GALNT18: variants seen among roughly 807,000 people sequenced by gnomAD.
GALNT18 encodes GalNAc-transferase 18.
GALNT18 carries 44 observed loss-of-function variants against 69.5 expected under a neutral mutation model. The ratio of observed to expected loss-of-function variants is 0.63; its 90% confidence interval spans 0.50 to 0.81. GALNT18 has a LOEUF of 0.81. Among genes scored for constraint, GALNT18 ranks in the 40% least tolerant of loss-of-function variants. GALNT18 has a pLI of 0.00. For missense variants in GALNT18, 715 were observed against 810.0 expected, an observed-to-expected ratio of 0.88 and a Z score of 1.42; for synonymous variants, 364 against 318.2, an observed-to-expected ratio of 1.14 and a Z score of -1.53.
rs1307711065 is a variant in GALNT18, at chr11:11,315,309, G to A, written c.1512+11777C>T. ...AAGGTCCATTCACTTCCTTTCAGTGGTGCCATCAGGAAAGAGTGAGACTGC... is the reference window on the plus strand; with the variant it reads ...AAGGTCCATTCACTTCCTTTCAGTGATGCCATCAGGAAAGAGTGAGACTGC... On this transcript the variant is annotated intron_variant, in intron 9 of 10. Transcript: ENST00000227756. The surrounding 1 kb of genome is among the most constrained non-coding windows in gnomAD (Gnocchi z 5.6). Among the ~76,000 whole-genome samples the A allele has an allele frequency of 1.3e-5, 2 of 152,110 alleles. No homozygotes were observed. Among genetic ancestry groups the A allele is most frequent in the Non-Finnish European group, 2.9e-5 (2 of 68,032 alleles).
rs1321582303 is a variant in GALNT18, at chr11:11,614,962, T to C, written c.235+6397A>G. Among the ~76,000 whole-genome samples, 1 of 152,246 alleles carries C rather than the reference T, an allele frequency of 6.6e-6. No individual in the cohort carries two copies. The highest frequency in any genetic ancestry group is 2.4e-5 in the African/African-American group (1 of 41,468). ...GTGTCCTTTGGCAAGGCTTTTCTTC[T>C]TCATAAAGCTGTGGTTCTGAACTAG... On this transcript the variant is annotated intron_variant, in intron 1 of 10. Transcript: ENST00000227756. This position sits in a 1 kb window ranked among gnomAD's most constrained non-coding sequence, Gnocchi z 5.6.
intron 3 of GALNT18, among the ~76,000 whole-genome samples, chr11:11,414,688 C>G (rs1473307036): frequency 1.3e-5 from 2 of 152,190 alleles, no homozygotes; most frequent in Admixed American, 6.5e-5. Flanking sequence ...CCACACTACG[C>G]TGGGAGCTCT....
In GALNT18 at chr11:11,612,320, A is replaced by G. The variant is rs140083358; in HGVS notation, c.235+9039T>C. ...CTGGGCCAGTCCCTGACCTGCTAGCATACTGTAGCTCTCTTCCTCCATTCC... is the reference window on the plus strand; with the variant it reads ...CTGGGCCAGTCCCTGACCTGCTAGCGTACTGTAGCTCTCTTCCTCCATTCC... On this transcript the variant is annotated intron_variant, in intron 1 of 10. Transcript: ENST00000227756. Among the ~76,000 whole-genome samples, 288 of 152,344 alleles carry G rather than the reference A, an allele frequency of 1.9e-3. 2 individuals are homozygous for G. Among genetic ancestry groups the G allele is most frequent in the African/African-American group, 6.6e-3 (276 of 41,586 alleles).
intron 3 of GALNT18, among the ~76,000 whole-genome samples, chr11:11,422,504 T>C (rs1399656463): frequency 2.0e-5 from 3 of 152,222 alleles, no homozygotes; most frequent in African/African-American, 4.8e-5. Flanking sequence ...TGCTTGGCTG[T>C]GTAAACACCT....
chr11:11,343,273 A>G (rs1323919323), intron 6 of GALNT18, among the ~76,000 whole-genome samples: 1 of 152,116 alleles, frequency 6.6e-6, no homozygotes. Flanking sequence ...GCTTGAGCCC[A>G]GGAGGTGGAA....
intron 1 of GALNT18, among the ~76,000 whole-genome samples, chr11:11,484,173 T>G (rs1421826392): frequency 6.6e-6 from 1 of 152,206 alleles, no homozygotes; most frequent in Non-Finnish European, 1.5e-5. Flanking sequence ...GCCTAGCTGC[T>G]GAGTGCTGGA....
rs1318216506 is a variant in GALNT18 at position 11,436,488 on chromosome 11, C to T, written c.429-3701G>A. On this transcript the variant is annotated intron_variant, in intron 2 of 10. Coordinates refer to ENST00000227756, the MANE Select transcript of GALNT18 (RefSeq NM_198516.3). This position sits in a 1 kb window ranked among gnomAD's most constrained non-coding sequence, Gnocchi z 4.5. ...GGTCAGGCGGTCCCCCATGCCTATACCACCAGCTCTGAGGGCACAGACTGG... is the reference window on the plus strand; with the variant it reads ...GGTCAGGCGGTCCCCCATGCCTATATCACCAGCTCTGAGGGCACAGACTGG... 6.6e-6 allele frequency among the ~76,000 whole-genome samples: 1 copy of T among 152,162 alleles called. No individual in the cohort carries two copies. Among genetic ancestry groups the T allele is most frequent in the Non-Finnish European group, 1.5e-5 (1 of 68,018 alleles).
rs1849740532 is a variant in GALNT18, at chr11:11,315,750, G to T, written c.1512+11336C>A. On this transcript the variant is annotated intron_variant, in intron 9 of 10. Transcript: ENST00000227756. The surrounding 1 kb of genome is among the most constrained non-coding windows in gnomAD (Gnocchi z 5.6). ...ACAGGTTAGAAAGATCAGATCACTTGCCCCCGTCATACATGTGGTACGGGC... is the reference window on the plus strand; with the variant it reads ...ACAGGTTAGAAAGATCAGATCACTTTCCCCCGTCATACATGTGGTACGGGC... Among the ~76,000 whole-genome samples the T allele has an allele frequency of 6.6e-6, 1 of 152,050 alleles. No individual in the cohort carries two copies. The highest frequency in any genetic ancestry group is 2.4e-5 in the African/African-American group (1 of 41,384).
intron 6 of GALNT18, chr11:11,352,178 A>G (rs752211734): frequency 5.8e-5 from 94 of 1,613,592 alleles, no homozygotes; most frequent in Non-Finnish European, 7.8e-5. Flanking sequence ...CCTCTCTTGC[A>G]GTAAGCCGTG....
chr11:11,474,202 T>C (rs1856337593), intron 1 of GALNT18, among the ~76,000 whole-genome samples: 1 of 152,022 alleles, frequency 6.6e-6, no homozygotes, highest in Non-Finnish European at 1.5e-5. Context: ...TTAGATAGAG[T>C]GGTCAACACA....
intron 1 of GALNT18, among the ~76,000 whole-genome samples, chr11:11,484,593 CA>C (rs1159968814): frequency 0.027 from 2,272 of 83,014 alleles, 41 homozygotes; most frequent in African/African-American, 0.11. Flanking sequence ...AACTCCATCT[CA>C]AAAAAAAAAA....
chr11:11,510,803 C>A lies in GALNT18; in HGVS notation c.236-61867G>T, dbSNP rs144291355. On this transcript the variant is annotated intron_variant, in intron 1 of 10. Coordinates refer to ENST00000227756, the MANE Select transcript of GALNT18 (RefSeq NM_198516.3). ...CTCCAGGGCAAATCTCAGGGCTGGG[C>A]ACATTGCAACATCATTTCAAAGCCA... Among the ~76,000 whole-genome samples the A allele has an allele frequency of 2.9e-3, 447 of 152,288 alleles. 3 individuals are homozygous for A. The highest frequency in any genetic ancestry group is 0.011 in the African/African-American group (438 of 41,570).
chr11:11,311,878 C>T (rs900925595), intron 9 of GALNT18, among the ~76,000 whole-genome samples: 2 of 152,216 alleles, frequency 1.3e-5, no homozygotes, highest in Admixed American at 6.5e-5. Context: ...AGCCATGGTG[C>T]CAAGCATCCT....
intron 10 of GALNT18, among the ~76,000 whole-genome samples, chr11:11,282,221 G>A (rs1182817964): frequency 1.3e-5 from 2 of 152,074 alleles, no homozygotes; most frequent in Non-Finnish European, 2.9e-5. Context: ...ACATTGCAAA[G>A]AAGCCTTCCT....
At chr11:11,394,444 A>T in intron 3 of GALNT18, among the ~76,000 whole-genome samples, 1 of 152,236 alleles carries the variant, frequency 6.6e-6, no homozygotes, top group East Asian at 1.9e-4. Flanking sequence ...AAAAAACATT[A>T]GGAAGTCATA....
chr11:11,278,340 G>A (rs1848992225), intron 10 of GALNT18, among the ~76,000 whole-genome samples: 2 of 149,948 alleles, frequency 1.3e-5, no homozygotes, highest in Non-Finnish European at 1.5e-5. Flanking sequence ...CGGCAGGGAA[G>A]GCATCACACA....
chr11:11,544,785 T>A (rs1465694715), intron 1 of GALNT18, among the ~76,000 whole-genome samples: 1 of 152,210 alleles, frequency 6.6e-6, no homozygotes, highest in East Asian at 1.9e-4. Flanking sequence ...TTCCTTCAAG[T>A]GCCCCATCTC....
chr11:11,521,399 T>G (rs879752326), intron 1 of GALNT18, among the ~76,000 whole-genome samples: 1 of 152,112 alleles, frequency 6.6e-6, no homozygotes, highest in Non-Finnish European at 1.5e-5. Context: ...GGCCACCAGC[T>G]AGACTCACTC....
At chr11:11,425,396 T>A (rs905943287) in intron 3 of GALNT18, among the ~76,000 whole-genome samples, 1 of 152,226 alleles carries the variant, frequency 6.6e-6, no homozygotes, top group African/African-American at 2.4e-5. Context: ...GGATTCAGGT[T>A]GGGCAAGGCA....
Sources: allele counts gnomAD v4.1 joint callset (sites outside exome capture counted in the v4.1 genomes callset), GRCh38; gene constraint gnomAD v4.1.1; non-coding constraint Gnocchi (gnomAD v3.1); transcripts MANE v1.5; gene names NCBI Gene and HGNC (gene_info 2026-07-23, HGNC 2026-07-21).